The following TMEM156 variants were observed in gnomAD, a reference collection of about 807,000 sequenced individuals.
TMEM156 encodes transmembrane protein 156.
TMEM156 carries 28 observed loss-of-function variants against 30.5 expected under a neutral mutation model. That is an observed-to-expected ratio of 0.92 (90% CI 0.68 to 1.26). The LOEUF (loss-of-function observed/expected upper bound fraction) is 1.26. Ranked by LOEUF, TMEM156 falls within the 50% of genes most tolerant of loss-of-function variation. The pLI, the probability that TMEM156 is intolerant of heterozygous loss-of-function variation, is 0.00. For missense variants in TMEM156, 351 were observed against 340.6 expected, an observed-to-expected ratio of 1.03 and a Z score of -0.24; for synonymous variants, 137 against 119.9, an observed-to-expected ratio of 1.14 and a Z score of -0.93.
intron 1 of TMEM156, among the ~76,000 whole-genome samples, chr4:39,031,756 C>T (rs1057099656): frequency 8.6e-5 from 13 of 151,400 alleles, no homozygotes; most frequent in Middle Eastern, 3.4e-3. Flanking sequence ...TGGTGGTGGG[C>T]GCCTGTAATC....
Position 39,031,905 on chromosome 4 carries a change from A to AAAAAAAAAAAAAAAAAAAAAC in TMEM156, c.88+320_88+321insGTTTTTTTTTTTTTTTTTTTT, listed in dbSNP as rs60499521. Among the ~76,000 whole-genome samples, 4 of 129,256 alleles carry AAAAAAAAAAAAAAAAAAAAAC rather than the reference A, an allele frequency of 3.1e-5. 1 individual carries two copies. The highest frequency in any genetic ancestry group is 2.9e-5 in the African/African-American group (1 of 34,424). 84.8% of individuals were successfully genotyped at this position (129,256 alleles called of 152,430 possible). On this transcript the variant is annotated intron_variant, in intron 1 of 6. Transcript: ENST00000381938. ...AAAAAAAAAAATAAAAAATAAAAAAATAAAAAAAAACTGCTTTGAAGAAAG... is the reference window on the plus strand; with the variant it reads ...AAAAAAAAAAATAAAAAATAAAAAAAAAAAAAAAAAAAAAAAAAAACTAAAAAAAAACTGCTTTGAAGAAAG...
intron 1 of TMEM156, among the ~76,000 whole-genome samples, chr4:39,026,641 A>G (rs2110069376): frequency 6.6e-6 from 1 of 152,250 alleles, no homozygotes; most frequent in East Asian, 1.9e-4. Flanking sequence ...AAGAAACAAA[A>G]TCTGGCTGGG....
chr4:38,971,244 GAA>G (rs1243198924), intron 5 of TMEM156, 107 bp from the exon 6 acceptor site: 2 of 1,070,740 alleles, frequency 1.9e-6, no homozygotes, highest in African/African-American at 3.2e-5. Context: ...TCTACCTCTA[GAA>G]AGGATTTTGG....
intron 1 of TMEM156, among the ~76,000 whole-genome samples, chr4:38,999,114 T>G (rs11938825): frequency 5.7e-5 from 1 of 17,628 alleles, no homozygotes; most frequent in Admixed American, 6.4e-4. Flanking sequence ...TTATTTATTT[T>G]TTTTTTTTTT....
chr4:39,004,798 A>C (rs1205835602), intron 1 of TMEM156, among the ~76,000 whole-genome samples: 1 of 152,224 alleles, frequency 6.6e-6, no homozygotes, highest in Non-Finnish European at 1.5e-5. Flanking sequence ...AATGTAAAAT[A>C]GTATAATCAT....
intron 1 of TMEM156, chr4:39,028,720 T>TA (rs1715353573): frequency 6.6e-6 from 1 of 152,212 alleles, no homozygotes; most frequent in East Asian, 1.9e-4. Flanking sequence ...TATTTGGGAG[T>TA]AAGCTAGCTC....
At chr4:39,012,304 T>G (rs953235791) in intron 1 of TMEM156, among the ~76,000 whole-genome samples, 1 of 152,232 alleles carries the variant, frequency 6.6e-6, no homozygotes, top group African/African-American at 2.4e-5. Context: ...TACTATATTC[T>G]CTTTGTAAAA....
rs114533595 is a variant in TMEM156 at position 39,019,634 on chromosome 4, T to G, written c.88+12592A>C. Reference sequence around the variant, plus strand: ...AGTACCTTACATTTTGCTTTAAACTTCATATATTTTCAGGTGCCTTTCCCC... The same window carrying G: ...AGTACCTTACATTTTGCTTTAAACTGCATATATTTTCAGGTGCCTTTCCCC... On this transcript the variant is annotated intron_variant, in intron 1 of 6. Coordinates refer to ENST00000381938, the MANE Select transcript of TMEM156 (RefSeq NM_024943.3). Among the ~76,000 whole-genome samples, 239 of 152,280 alleles carry G rather than the reference T, an allele frequency of 1.6e-3. 1 individual carries two copies. The highest frequency in any genetic ancestry group is 5.5e-3 in the African/African-American group (228 of 41,552).
At position 38,993,800 on chromosome 4, in the gene TMEM156, C is replaced by G. The variant is rs1351931871; in HGVS notation, c.557G>C (p.Arg186Thr). ...ACAATCATTCGGGTATTCCATGATTCTACAAGTGTAGTTTATCGATTTCTC... is the reference window on the plus strand; with the variant it reads ...ACAATCATTCGGGTATTCCATGATTGTACAAGTGTAGTTTATCGATTTCTC... ...SKEKSINYTC[R>T]IMEYPNDCIH... Residue 186 changes from arginine (R) to threonine (T), a missense_variant, in exon 3 of 7, where the codon AGA (arginine) becomes ACA (threonine). Arg to Thr is a moderately conservative substitution (Grantham distance 71). Coordinates refer to ENST00000381938, the MANE Select transcript of TMEM156 (RefSeq NM_024943.3). The G allele has an allele frequency of 6.2e-7, 1 of 1,613,736 alleles. No homozygotes were observed. Among genetic ancestry groups the G allele is most frequent in the Non-Finnish European group, 8.5e-7 (1 of 1,179,694 alleles).
intron 1 of TMEM156, among the ~76,000 whole-genome samples, chr4:39,024,081 G>C (rs1194969618): frequency 6.6e-6 from 1 of 152,178 alleles, no homozygotes; most frequent in Non-Finnish European, 1.5e-5. Flanking sequence ...TTCCGCCCAG[G>C]CTGCCATGAA....
chr4:39,002,653 G>A (rs1158517318), intron 1 of TMEM156, among the ~76,000 whole-genome samples: 1 of 149,344 alleles, frequency 6.7e-6, no homozygotes, highest in East Asian at 2.0e-4. Context: ...AACAATGATA[G>A]ACTGGATTAA....
chr4:38,994,337 G>A (rs913820156), intron 2 of TMEM156, among the ~76,000 whole-genome samples: 1 of 152,148 alleles, frequency 6.6e-6, no homozygotes, highest in Admixed American at 6.5e-5. Flanking sequence ...TGTTGTCCAG[G>A]CTGGTCTCCA....
At chr4:38,991,430 A>G (rs1388518046) in intron 3 of TMEM156, among the ~76,000 whole-genome samples, 1 of 151,642 alleles carries the variant, frequency 6.6e-6, no homozygotes, top group Non-Finnish European at 1.5e-5. Context: ...CATGTTGTCC[A>G]AGCTAGTCTC....
chr4:39,000,401 A>G (rs1423274028), intron 1 of TMEM156, among the ~76,000 whole-genome samples: 2 of 152,146 alleles, frequency 1.3e-5, no homozygotes, highest in Non-Finnish European at 2.9e-5. Context: ...CAAAAGGAGA[A>G]AAAAGATTCC....
intron 5 of TMEM156, among the ~76,000 whole-genome samples, chr4:38,984,758 C>G (rs1266829042): frequency 6.6e-6 from 1 of 152,044 alleles, no homozygotes; most frequent in Non-Finnish European, 1.5e-5. Flanking sequence ...GACGCTAAGC[C>G]TCAAAAGGGT....
intron 2 of TMEM156, 29 bp from the exon 3 acceptor site, chr4:38,994,027 G>C (rs1262307486): frequency 6.3e-7 from 1 of 1,589,034 alleles, no homozygotes; most frequent in Non-Finnish European, 8.6e-7. Context: ...AATGTTATTT[G>C]CAAAATATTA....
chr4:39,019,976 G>A (rs1714753303), intron 1 of TMEM156, among the ~76,000 whole-genome samples: 1 of 151,982 alleles, frequency 6.6e-6, no homozygotes, highest in African/African-American at 2.4e-5. Context: ...TGTCGTCCAC[G>A]GTAAACATCA....
rs151307600 is a variant in TMEM156 at position 39,015,632 on chromosome 4, A to T, written c.88+16594T>A. Among the ~76,000 whole-genome samples the T allele has an allele frequency of 1.2e-4, 18 of 152,324 alleles. No homozygotes were observed. The East Asian group carries it at 3.5e-3, about 29-fold the overall frequency. On this transcript the variant is annotated intron_variant, in intron 1 of 6. Transcript: ENST00000381938. ...TACTGTGAGACAATACATTTGTGTC[A>T]TTTTAAGCCACTAAGTTTATGATCA...
chr4:39,032,351 C>A lies in TMEM156; in HGVS notation c.-38G>T. The A allele has an allele frequency of 7.6e-7, 1 of 1,310,080 alleles. No homozygotes were observed. The highest frequency in any genetic ancestry group is 1.1e-6 in the Non-Finnish European group (1 of 914,400). The allele number at this position is 1,310,080 out of a possible 1,614,324, so 81.2% of individuals were successfully genotyped here. A position where few individuals can be genotyped will look rare whatever the true frequency, so the allele number is the denominator to read the frequency against. On this transcript the variant is annotated 5_prime_UTR_variant, in exon 1 of 7. It removes an upstream start codon present in the reference 5' UTR. Transcript: ENST00000381938. ...GACACAAATGTGTTCCCTTGCAGTACATTCATGGTATGTTGCTTCCTGCTT... is the reference window on the plus strand; with the variant it reads ...GACACAAATGTGTTCCCTTGCAGTAAATTCATGGTATGTTGCTTCCTGCTT...
Sources: gnomAD v4.1 joint callset for allele counts (sites outside exome capture counted in the v4.1 genomes callset) on GRCh38, gnomAD v4.1.1 for gene constraint, MANE v1.5 for transcripts, NCBI Gene and HGNC (gene_info 2026-07-23, HGNC 2026-07-21) for gene names.